The following UBXN11 variants were observed in gnomAD, a reference collection of about 807,000 sequenced individuals.
The protein encoded by UBXN11 is UBX domain-containing protein 11.
A neutral mutation model predicts 62.8 loss-of-function variants in UBXN11; 47 were observed. That is an observed-to-expected ratio of 0.75 (90% CI 0.59 to 0.95). The LOEUF (loss-of-function observed/expected upper bound fraction) is 0.95, where lower values mean the gene tolerates loss of function less well. Ranked by LOEUF, UBXN11 falls within the 40% of genes least tolerant of loss-of-function variation. UBXN11 has a pLI of 0.00. For synonymous variants in UBXN11, 294 were observed against 267.0 expected, an observed-to-expected ratio of 1.10 and a Z score of -0.99; for missense variants, 638 against 661.7, an observed-to-expected ratio of 0.96 and a Z score of 0.39.
intron 1 of UBXN11, among the ~76,000 whole-genome samples, chr1:26,317,244 CCAA>C (rs1358560533): frequency 6.6e-6 from 1 of 151,380 alleles, no homozygotes; most frequent in Non-Finnish European, 1.5e-5. Flanking sequence ...AACAAAAAAA[CCAA>C]CAACAACAAA....
chr1:26,282,604 T>C (rs981244201), intron 14 of UBXN11, 35 bp from the exon 15 acceptor site: 10 of 1,611,990 alleles, frequency 6.2e-6, no homozygotes, highest in Non-Finnish European at 8.5e-6. Context: ...GGCTGGGCAG[T>C]GGGACCAGAG....
intron 2 of UBXN11, among the ~76,000 whole-genome samples, chr1:26,302,187 AC>A (rs1239899273): frequency 6.6e-6 from 1 of 151,890 alleles, no homozygotes; most frequent in Non-Finnish European, 1.5e-5. Flanking sequence ...ACACAGTGAA[AC>A]CCGTCTCTAC....
chr1:26,308,826 C>G (rs12566872), upstream of UBXN11, among the ~76,000 whole-genome samples: 1 of 152,134 alleles, frequency 6.6e-6, no homozygotes, highest in African/African-American at 2.4e-5. Flanking sequence ...CCCATCCCTT[C>G]TTCCCACCCA....
intron 9 of UBXN11, 41 bp downstream of exon 9, chr1:26,285,782 C>A: frequency 6.4e-7 from 1 of 1,555,908 alleles, no homozygotes; most frequent in Non-Finnish European, 8.8e-7. Context: ...CAGTGGGCAG[C>A]AGGGGCACTA....
rs11585673 is a variant in UBXN11, at chr1:26,315,327, G to A, written c.-149+2720C>T. On this transcript the variant is annotated intron_variant, in intron 1 of 14. Transcript: ENST00000374217. ...GTCCTGTCTGGCTGCCTCTTTGTAA[G>A]AGGGGAGAAGATTGCACAGTGTGAT... 3.6e-3 allele frequency among the ~76,000 whole-genome samples: 556 copies of A among 152,336 alleles called. 2 individuals carry two copies. The highest frequency in any genetic ancestry group is 5.6e-3 in the Non-Finnish European group (384 of 68,026).
In UBXN11 at chr1:26,301,088, G is replaced by A. The variant is rs554625697; in HGVS notation, c.101-64C>T. On this transcript the variant is annotated intron_variant, in intron 3 of 14. Transcript: ENST00000374222. ...AGACCCAGAGGAAACTCAGGCCCTGGGCCCTCGCCAGTGTGACGCGGCCTA... is the reference window on the plus strand; with the variant it reads ...AGACCCAGAGGAAACTCAGGCCCTGAGCCCTCGCCAGTGTGACGCGGCCTA... 19 of 1,611,690 alleles carry A rather than the reference G, an allele frequency of 1.2e-5. No homozygotes were observed. In the East Asian group the frequency reaches 4.2e-4, roughly 36 times the overall value.
At chr1:26,313,090 T>C (rs1159150077) in intron 1 of UBXN11, among the ~76,000 whole-genome samples, 1 of 151,468 alleles carries the variant, frequency 6.6e-6, no homozygotes, top group East Asian at 1.9e-4. Flanking sequence ...TTGGATGCTG[T>C]ATGATGCTAC....
intron 5 of UBXN11, 136 bp downstream of exon 5, chr1:26,297,826 C>G: frequency 1.0e-6 from 1 of 1,001,368 alleles, no homozygotes; most frequent in South Asian, 1.6e-5. Flanking sequence ...CCAGGCCACA[C>G]CTGGTCCTCG....
Position 26,285,500 on chromosome 1 carries a change from C to G in UBXN11, c.816G>C (p.Glu272Asp). Residue 272 changes from glutamate to aspartate, a missense_variant, in exon 10 of 15, where the codon GAG becomes GAC. Transcript: ENST00000374222. ...CCCCATTGGGGTACAGTCGCTGGAG[C>G]TCTGAGGGAAAGAAGCCATCCAATA... is the stretch of plus-strand genomic sequence containing the variant. The part of the protein sequence containing the change: ...RDILDGFFPS[E>D]LQRLYPNGVP... 3 of 1,602,460 alleles carry G rather than the reference C, an allele frequency of 1.9e-6. No individual in the cohort carries two copies. Among genetic ancestry groups the G allele is most frequent in the Non-Finnish European group, 2.6e-6 (3 of 1,172,036 alleles).
chr1:26,312,636 A>T (rs1196384552), intron 1 of UBXN11, among the ~76,000 whole-genome samples: 1 of 151,828 alleles, frequency 6.6e-6, no homozygotes, highest in East Asian at 1.9e-4. Context: ...AAGGACCCTC[A>T]CTCATTCACC....
chr1:26,307,576 A>G (rs1348975032), upstream of UBXN11, among the ~76,000 whole-genome samples: 1 of 149,606 alleles, frequency 6.7e-6, no homozygotes, highest in Non-Finnish European at 1.5e-5. Context: ...CTTTGTGCCC[A>G]GGTTCAAAAG....
In UBXN11 at chr1:26,294,107, G is replaced by C. The variant is rs1007674699; in HGVS notation, c.559+98C>G. The stretch of plus-strand genomic sequence containing the variant: ...TCAGGGCGTCTTGGGTCAGGGACCC[G>C]GGCACGAATGAGATAGGCCTCTGGG... On this transcript the variant is annotated intron_variant, in intron 8 of 14. Coordinates refer to ENST00000374222, the MANE Select transcript of UBXN11 (RefSeq NM_001389556.1). 7 of 1,525,802 alleles carry C rather than the reference G, an allele frequency of 4.6e-6. No homozygotes were observed. In the South Asian group the frequency reaches 8.7e-5, roughly 19 times the overall value. The allele number at this position is 1,525,802 out of a possible 1,614,324, so 94.5% of individuals were successfully genotyped here.
At position 26,282,779 on chromosome 1, in the gene UBXN11, A is replaced by C; in HGVS notation, c.1162T>G (p.Ser388Ala). The C allele has an allele frequency of 6.2e-7, 1 of 1,613,646 alleles. No individual in the cohort carries two copies. Among genetic ancestry groups the C allele is most frequent in the Non-Finnish European group, 8.5e-7 (1 of 1,179,926 alleles). Residue 388 changes from serine (S) to alanine (A), a missense_variant, in exon 14 of 15, where the codon TCA (serine) becomes GCA (alanine). Transcript: ENST00000374222. ...LAAERERSQE[S>A]PNTPAPPLSM... ...AGCGGGGGTGCCGGCGTGTTGGGTG[A>C]CTCCTGGCTCCTGCACAGCCCAGAG... is the stretch of plus-strand genomic sequence containing the variant.
At position 26,298,183 on chromosome 1, in the gene UBXN11, G is replaced by T. The variant is rs566032770; in HGVS notation, c.200-121C>A. On this transcript the variant is annotated intron_variant, in intron 4 of 14. Transcript: ENST00000374222. ...AAGGTACTGAGAGCAGCTCCCACTGGCATCATAGGAACTGTTCTAAACACT... is the reference window on the plus strand; with the variant it reads ...AAGGTACTGAGAGCAGCTCCCACTGTCATCATAGGAACTGTTCTAAACACT... 1.6e-5 allele frequency: 15 copies of T among 949,302 alleles called. No individual in the cohort carries two copies. The East Asian group carries it at 3.7e-4, about 23-fold the overall frequency. 58.8% of individuals were successfully genotyped at this position (949,302 alleles called of 1,614,324 possible). A position where few individuals can be genotyped will look rare whatever the true frequency, so the allele number is the denominator to read the frequency against.
chr1:26,300,081 G>A (rs530957409), intron 4 of UBXN11, among the ~76,000 whole-genome samples: 1 of 152,272 alleles, frequency 6.6e-6, no homozygotes, highest in African/African-American at 2.4e-5. Flanking sequence ...AGAACCTTAG[G>A]CCAGGCTCTT....
upstream of UBXN11, among the ~76,000 whole-genome samples, chr1:26,310,490 G>T (rs1448243405): frequency 3.3e-5 from 5 of 151,108 alleles, no homozygotes; most frequent in South Asian, 4.2e-4. Flanking sequence ...GTGAGCCAAG[G>T]TCGCATCACT....
At chr1:26,285,430 C>A (rs1224176916) in intron 10 of UBXN11, 34 bp downstream of exon 10, 3 of 1,602,770 alleles carry the variant, frequency 1.9e-6, no homozygotes. Context: ...CCTTCAAAAT[C>A]CCCAAAGGTG....
chr1:26,303,173 A>G, intron 1 of UBXN11: 1 of 305,572 alleles, frequency 3.3e-6, no homozygotes, highest in Non-Finnish European at 6.1e-6. Context: ...AAGTACTGTG[A>G]GGGTGGGATG....
chr1:26,308,042 G>A (rs968675229), upstream of UBXN11, among the ~76,000 whole-genome samples: 3 of 152,192 alleles, frequency 2.0e-5, no homozygotes, highest in Non-Finnish European at 4.4e-5. Context: ...TGAGGCAGGC[G>A]GATCATCTGA....
Sources: allele counts gnomAD v4.1 joint callset (sites outside exome capture counted in the v4.1 genomes callset), GRCh38; gene constraint gnomAD v4.1.1; transcripts MANE v1.5; gene names NCBI Gene and HGNC (gene_info 2026-07-23, HGNC 2026-07-21).